Variants in PCDHGA11 observed in about 807,000 individuals in gnomAD.
PCDHGA11 encodes protocadherin gamma-A11.
PCDHGA11 carries 39 observed loss-of-function variants against 60.4 expected under a neutral mutation model. The ratio of observed to expected loss-of-function variants is 0.65; its 90% confidence interval spans 0.50 to 0.84. The LOEUF (loss-of-function observed/expected upper bound fraction) is 0.84, where lower values mean the gene tolerates loss of function less well. PCDHGA11 is among the 40% of genes least tolerant of loss of function. The pLI is 0.00. For synonymous variants in PCDHGA11, 533 were observed against 510.3 expected (o/e 1.04, Z -0.60); for missense variants, 1,165 against 1,197.7 (o/e 0.97, Z 0.40).
At chr5:141,482,530 C>CAAAAAAAAAAAAAAA (rs3074545) in intron 1 of PCDHGA11, among the ~76,000 whole-genome samples, 1 of 76,562 alleles carries the variant, frequency 1.3e-5, no homozygotes, top group African/African-American at 4.8e-5. Flanking sequence ...GACAGACATG[C>CAAAAAAAAAAAAAAA]AAAAAAAAAA....
chr5:141,460,037 C>A (rs1203902962), intron 1 of PCDHGA11, among the ~76,000 whole-genome samples: 1 of 152,120 alleles, frequency 6.6e-6, no homozygotes, highest in African/African-American at 2.4e-5. Context: ...GAGACTGCAC[C>A]ACTGCACTCC....
At chr5:141,434,240 T>A (rs979144259) in intron 1 of PCDHGA11, among the ~76,000 whole-genome samples, 1 of 152,336 alleles carries the variant, frequency 6.6e-6, no homozygotes, top group East Asian at 1.9e-4. Flanking sequence ...CTGGACTAGA[T>A]GACTTGGGCA....
chr5:141,470,100 G>A (rs1259251144), intron 1 of PCDHGA11, among the ~76,000 whole-genome samples: 2 of 152,178 alleles, frequency 1.3e-5, no homozygotes, highest in African/African-American at 4.8e-5. Context: ...CTACATTCCA[G>A]TCTGAGCAAC....
chr5:141,423,648 G>T lies in PCDHGA11; in HGVS notation c.2421G>T (p.Pro807=). ...CTATCATTTTAGGCAAATGTGACCC[G>T]ACAAGTAATCAGGTGAGATTTATTT... ...DSAIILGKCD[P]TSNQQAPPNT... is the part of the protein sequence containing the mutation. The change falls in exon 1 of 4, where the codon CCG becomes CCT. Residue 807 remains proline, a synonymous_variant. Transcript: ENST00000398587. 6.3e-7 allele frequency: 1 copy of T among 1,590,008 alleles called. No individual in the cohort carries two copies. The highest frequency in any genetic ancestry group is 1.8e-5 in the Admixed American group (1 of 56,840).
In PCDHGA11 at chr5:141,422,951, G is replaced by C. The variant is rs1382138030; in HGVS notation, c.1724G>C (p.Gly575Ala). The C allele has an allele frequency of 3.7e-6, 6 of 1,614,236 alleles. No individual in the cohort carries two copies. The highest frequency in any genetic ancestry group is 3.3e-5 in the South Asian group (3 of 91,088). ...YPALPTDGST[G>A]VELAPRSAEP... ...GCCCTCCCCACAGACGGCTCCACTG[G>C]CGTGGAGCTGGCGCCCCGCTCTGCG... Residue 575 changes from glycine (G) to alanine (A), a missense_variant, in exon 1 of 4, where the codon GGC becomes GCC. Physicochemically the swap from Gly to Ala is moderately conservative, Grantham distance 60 (BLOSUM62 0). Coordinates refer to ENST00000398587, the MANE Select transcript of PCDHGA11 (RefSeq NM_018914.3).
Position 141,432,093 on chromosome 5 carries a change from CCAACGA to C in PCDHGA11, c.2433+8438_2433+8443del. 1.2e-6 allele frequency: 2 copies of C among 1,614,170 alleles called. No individual in the cohort carries two copies. The highest frequency in any genetic ancestry group is 1.7e-6 in the Non-Finnish European group (2 of 1,180,046). On this transcript the variant is annotated intron_variant, in intron 1 of 3. Coordinates refer to ENST00000398587, the MANE Select transcript of PCDHGA11 (RefSeq NM_018914.3). The surrounding 1 kb of genome is among the most constrained non-coding windows in gnomAD (Gnocchi z 6.0). ...CATATCTCGCTGAACGTGGCAGACA[CCAACGA>C]CAACCCGCCGGTCTTCCCTCAGGCC...
intron 1 of PCDHGA11, among the ~76,000 whole-genome samples, chr5:141,437,250 G>T (rs1191184272): frequency 6.6e-6 from 1 of 152,102 alleles, no homozygotes; most frequent in African/African-American, 2.4e-5. Flanking sequence ...GACTTTCCTT[G>T]TCTTTTTATG....
Position 141,490,563 on chromosome 5 carries a change from G to C in PCDHGA11, c.2434-4244G>C. On this transcript the variant is annotated intron_variant, in intron 1 of 3. Coordinates refer to ENST00000398587, the MANE Select transcript of PCDHGA11 (RefSeq NM_018914.3). This position sits in a 1 kb window ranked among gnomAD's most constrained non-coding sequence, Gnocchi z 5.4. ...CCCTACACAAACATCTCACCATCAG[G>C]CTCAACATTTCAGATGTCAATGACA... 1 of 1,614,022 alleles carries C rather than the reference G, an allele frequency of 6.2e-7. No individual in the cohort carries two copies. Among genetic ancestry groups the C allele is most frequent in the Non-Finnish European group, 8.5e-7 (1 of 1,180,008 alleles).
At chr5:141,471,217 T>G (rs2099252724) in intron 1 of PCDHGA11, 1 of 151,568 alleles carries the variant, frequency 6.6e-6, no homozygotes, top group South Asian at 2.1e-4. Context: ...GCCTGGCAAT[T>G]TTTTTGTATT....
chr5:141,430,433 T>C (rs1371764261), intron 1 of PCDHGA11, among the ~76,000 whole-genome samples: 2 of 151,080 alleles, frequency 1.3e-5, no homozygotes, highest in Admixed American at 6.6e-5. Context: ...ATACGGTAGA[T>C]TTCCATCCCC....
chr5:141,436,393 A>G (rs560164691), intron 1 of PCDHGA11, among the ~76,000 whole-genome samples: 2 of 152,342 alleles, frequency 1.3e-5, no homozygotes, highest in South Asian at 4.1e-4. Context: ...GCTTTATTAA[A>G]TAGTTGTTGA....
Position 141,458,007 on chromosome 5 carries a change from C to T in PCDHGA11, c.2433+34347C>T, listed in dbSNP as rs142050242. Among the ~76,000 whole-genome samples the T allele has an allele frequency of 1.3e-3, 200 of 152,274 alleles. 1 individual carries two copies. The East Asian group carries it at 0.032, about 24-fold the overall frequency. ...TCAGTTAAAGCCTTGGCAAAATAAC[C>T]GGTTTTTCCAATTGTGTTCTGTTGA... On this transcript the variant is annotated intron_variant, in intron 1 of 3. Transcript: ENST00000398587.
At chr5:141,437,878 C>A (rs1047761465) in intron 1 of PCDHGA11, among the ~76,000 whole-genome samples, 13 of 151,996 alleles carry the variant, frequency 8.6e-5, no homozygotes, top group Non-Finnish European at 1.5e-4. Flanking sequence ...GCTGGGACTA[C>A]AGGCACACGC....
At position 141,481,719 on chromosome 5, in the gene PCDHGA11, G is replaced by A. The variant is rs1055207250; in HGVS notation, c.2434-13088G>A. On this transcript the variant is annotated intron_variant, in intron 1 of 3. Coordinates refer to ENST00000398587, the MANE Select transcript of PCDHGA11 (RefSeq NM_018914.3). ...CTGTAATCCCAGCACTTTGGGAGGC[G>A]GAGGCGGGCGGATCACGAGGTCAGG... 5.3e-5 allele frequency among the ~76,000 whole-genome samples: 8 copies of A among 151,716 alleles called. No homozygotes were observed. In the East Asian group the frequency reaches 9.7e-4, roughly 18 times the overall value.
At chr5:141,446,830 A>G (rs1289946397) in intron 1 of PCDHGA11, among the ~76,000 whole-genome samples, 1 of 152,176 alleles carries the variant, frequency 6.6e-6, no homozygotes, top group Non-Finnish European at 1.5e-5. Flanking sequence ...GTAGATCCTT[A>G]TAAGGCTGAG....
chr5:141,430,919 C>T, intron 1 of PCDHGA11: 1 of 1,607,610 alleles, frequency 6.2e-7, no homozygotes, highest in Non-Finnish European at 8.5e-7. Context: ...GGACCTGGGG[C>T]TGGAGCCCCG....
rs748347420 is a variant in PCDHGA11, at chr5:141,421,232, C to G, written c.5C>G (p.Ala2Gly). The G allele has an allele frequency of 1.3e-6, 2 of 1,590,370 alleles. No homozygotes were observed. Among genetic ancestry groups the G allele is most frequent in the Non-Finnish European group, 1.7e-6 (2 of 1,170,378 alleles). M[A>G]NRLQRGDRSR... ...AATATCGGCTTAGAGCCTGCCATGG[C>G]GAATCGGCTACAGCGCGGGGACCGC... The change falls in exon 1 of 4, where the codon GCG becomes GGG. Residue 2 changes from alanine to glycine, a missense_variant. Physicochemically the swap from Ala to Gly is moderately conservative, Grantham distance 60. Coordinates refer to ENST00000398587, the MANE Select transcript of PCDHGA11 (RefSeq NM_018914.3).
intron 1 of PCDHGA11, among the ~76,000 whole-genome samples, chr5:141,446,698 G>C (rs750413432): frequency 1.3e-5 from 2 of 152,070 alleles, no homozygotes; most frequent in African/African-American, 4.8e-5. Flanking sequence ...GGCTGGTCTC[G>C]AACTCTGATC....
Position 141,430,614 on chromosome 5 carries a change from T to C in PCDHGA11, c.2433+6954T>C, listed in dbSNP as rs1030314096. 7.3e-6 allele frequency: 5 copies of C among 680,636 alleles called. No individual in the cohort carries two copies. In the African/African-American group the frequency reaches 7.4e-5, roughly 10 times the overall value. 42.2% of individuals were successfully genotyped at this position (680,636 alleles called of 1,614,324 possible). ...GCACGCGCCTGAAGCACAAAGCAGA[T>C]AGCTAGGAATGAACCATCCCTGGGA... On this transcript the variant is annotated intron_variant, in intron 1 of 3. Transcript: ENST00000398587.
Sources: allele counts gnomAD v4.1 joint callset (sites outside exome capture counted in the v4.1 genomes callset), GRCh38; gene constraint gnomAD v4.1.1; non-coding constraint Gnocchi (gnomAD v3.1); transcripts MANE v1.5; gene names NCBI Gene and HGNC (gene_info 2026-07-23, HGNC 2026-07-21).